The following MAPK10 variants were observed in gnomAD, a reference collection of about 807,000 sequenced individuals.
MAPK10 encodes the protein JNK3 alpha protein kinase.
In MAPK10, 25 loss-of-function variants were observed where a neutral mutation model predicts 59.3. That is an observed-to-expected ratio of 0.42 (90% CI 0.31 to 0.59). The LOEUF is 0.59. MAPK10 is among the 20% of genes least tolerant of loss of function. The pLI, the probability that MAPK10 is intolerant of heterozygous loss-of-function variation, is 0.15. For missense variants in MAPK10, 351 were observed against 568.9 expected (o/e 0.62, Z 3.90); for synonymous variants, 190 against 200.5 (o/e 0.95, Z 0.44).
At chr4:86,118,318 A>G (rs977075267) in intron 4 of MAPK10, among the ~76,000 whole-genome samples, 4 of 151,680 alleles carry the variant, frequency 2.6e-5, no homozygotes, top group South Asian at 4.2e-4. Context: ...TTCTTTCAGT[A>G]TTTTTTTCTT....
intron 2 of MAPK10, among the ~76,000 whole-genome samples, chr4:86,314,125 C>T (rs962546072): frequency 6.6e-6 from 1 of 152,076 alleles, no homozygotes. Flanking sequence ...AAGTTCAGAA[C>T]AGGCAAAACT....
At chr4:86,332,224 A>C (rs1360818056) in intron 2 of MAPK10, among the ~76,000 whole-genome samples, 2 of 152,242 alleles carry the variant, frequency 1.3e-5, no homozygotes, top group Admixed American at 1.3e-4. Flanking sequence ...ATTACATTTA[A>C]ATAAGTTTAA....
intron 13 of MAPK10, chr4:86,023,850 T>TATATATATAA (rs1241006302): frequency 8.9e-6 from 1 of 112,758 alleles, no homozygotes; most frequent in Non-Finnish European, 1.8e-5. Flanking sequence ...TATATATATA[T>TATATATATAA]AAAATGAATG....
At chr4:86,246,691 C>T (rs1187983615) in intron 2 of MAPK10, among the ~76,000 whole-genome samples, 1 of 152,132 alleles carries the variant, frequency 6.6e-6, no homozygotes, top group Non-Finnish European at 1.5e-5. Context: ...ACCACCTCCA[C>T]TACAGATGAA....
At chr4:86,068,466 C>A (rs2047148498) in intron 9 of MAPK10, among the ~76,000 whole-genome samples, 1 of 151,828 alleles carries the variant, frequency 6.6e-6, no homozygotes. Context: ...GAATTTTTTT[C>A]TATTTTTATG....
In MAPK10 at chr4:86,194,308, C is replaced by A. The variant is rs201975310; in HGVS notation, c.66+28G>T. ...TGGAAATACAAGGGAATATACTGTA[C>A]CTTGTTTTACCTGTAAGGAACACAC... On this transcript the variant is annotated intron_variant, in intron 3 of 13. Transcript: ENST00000641462. The A allele has an allele frequency of 4.4e-6, 7 of 1,587,054 alleles. No individual in the cohort carries two copies. The East Asian group carries it at 1.6e-4, about 36-fold the overall frequency.
chr4:86,553,280 A>G (rs1031293975), intron 1 of MAPK10, among the ~76,000 whole-genome samples: 17 of 152,152 alleles, frequency 1.1e-4, no homozygotes, highest in Non-Finnish European at 2.4e-4. Flanking sequence ...TCTGAGCAGC[A>G]AGAGATAAGA....
At chr4:86,179,546 TC>T (rs1471738978) in intron 3 of MAPK10, among the ~76,000 whole-genome samples, 1 of 151,846 alleles carries the variant, frequency 6.6e-6, no homozygotes, top group African/African-American at 2.4e-5. Flanking sequence ...GCCAAAGCAA[TC>T]CTTAACAAAA....
intron 1 of MAPK10, among the ~76,000 whole-genome samples, chr4:86,489,429 T>C (rs904679394): frequency 7.2e-5 from 11 of 152,154 alleles, no homozygotes; most frequent in Non-Finnish European, 1.2e-4. Flanking sequence ...ATTTGTTTCA[T>C]ATGTTTTGGG....
intron 1 of MAPK10, among the ~76,000 whole-genome samples, chr4:86,561,865 T>C (rs900730942): frequency 6.6e-6 from 1 of 152,198 alleles, no homozygotes; most frequent in Non-Finnish European, 1.5e-5. Flanking sequence ...TCTTTTGCAA[T>C]TCTTGTTGGA....
chr4:86,296,909 T>A (rs1176660257), intron 2 of MAPK10, among the ~76,000 whole-genome samples: 1 of 152,230 alleles, frequency 6.6e-6, no homozygotes, highest in African/African-American at 2.4e-5. Context: ...TAATGTCTTG[T>A]ATTCTTCGTA....
chr4:86,310,673 C>T (rs898600412), intron 2 of MAPK10, among the ~76,000 whole-genome samples: 17 of 152,224 alleles, frequency 1.1e-4, no homozygotes, highest in Non-Finnish European at 2.5e-4. Flanking sequence ...TATTGAAATG[C>T]TTTCACCTTC....
chr4:86,406,667 C>A (rs1220070594), intron 1 of MAPK10, among the ~76,000 whole-genome samples: 1 of 152,094 alleles, frequency 6.6e-6, no homozygotes, highest in Non-Finnish European at 1.5e-5. Flanking sequence ...GGAAAGGCAC[C>A]AGGTTCAAGA....
intron 13 of MAPK10, among the ~76,000 whole-genome samples, chr4:86,022,924 G>A (rs543122550): frequency 2.6e-5 from 4 of 152,274 alleles, no homozygotes; most frequent in Admixed American, 2.6e-4. Flanking sequence ...GTCTTTTGAA[G>A]CACACATATT....
intron 1 of MAPK10, among the ~76,000 whole-genome samples, chr4:86,579,921 C>T (rs1446966073): frequency 6.6e-6 from 1 of 152,066 alleles, no homozygotes; most frequent in Non-Finnish European, 1.5e-5. Context: ...TCAAGTGATC[C>T]TCCCACCTCA....
At chr4:86,347,842 C>T (rs1729093350) in intron 2 of MAPK10, among the ~76,000 whole-genome samples, 1 of 152,106 alleles carries the variant, frequency 6.6e-6, no homozygotes, top group African/African-American at 2.4e-5. Context: ...CTAATACCAT[C>T]TCCTTGGGGT....
intron 1 of MAPK10, among the ~76,000 whole-genome samples, chr4:86,463,487 C>T (rs975031559): frequency 6.6e-6 from 1 of 152,176 alleles, no homozygotes; most frequent in Non-Finnish European, 1.5e-5. Flanking sequence ...ATACTTTGTG[C>T]TGCCTCCACT....
chr4:86,543,642 CA>C lies in MAPK10; in HGVS notation c.-263+50267del, dbSNP rs1345603953. On this transcript the variant is annotated intron_variant, in intron 1 of 4. Transcript: ENST00000502302. ...AAGAAAAACTTGAATGTTTTAAACA[CA>C]AAAAAGAGAAGAACTAAAATTTGAA... Among the ~76,000 whole-genome samples, 13 of 151,936 alleles carry C rather than the reference CA, an allele frequency of 8.6e-5. No homozygotes were observed. The East Asian group carries it at 2.5e-3, about 29-fold the overall frequency.
intron 1 of MAPK10, among the ~76,000 whole-genome samples, chr4:86,427,906 T>C (rs1390319593): frequency 2.6e-5 from 4 of 152,206 alleles, no homozygotes; most frequent in Admixed American, 1.3e-4. Context: ...TGAAAACTAC[T>C]GTTTTCTGGT....
Sources: gnomAD v4.1 joint callset for allele counts (sites outside exome capture counted in the v4.1 genomes callset) on GRCh38, gnomAD v4.1.1 for gene constraint, MANE v1.5 for transcripts, NCBI Gene and HGNC (gene_info 2026-07-23, HGNC 2026-07-21) for gene names.